The following CENPP variants were observed in gnomAD, a reference collection of about 807,000 sequenced individuals.
CENPP encodes centromere protein P.
A neutral mutation model predicts 35.6 loss-of-function variants in CENPP; 24 were observed. The observed-to-expected ratio is 0.67, with a 90% confidence interval of 0.49 to 0.95. The LOEUF is 0.95. Ranked by LOEUF, CENPP falls within the 40% of genes least tolerant of loss-of-function variation. CENPP has a pLI of 0.00. For synonymous variants in CENPP, 120 were observed against 125.5 expected (o/e 0.96, Z 0.29); for missense variants, 332 against 345.3 (o/e 0.96, Z 0.31).
intron 4 of CENPP, among the ~76,000 whole-genome samples, chr9:92,353,987 C>T (rs1841529005): frequency 6.6e-6 from 1 of 152,190 alleles, no homozygotes; most frequent in Admixed American, 6.5e-5. Flanking sequence ...TTCTACTGTT[C>T]TGTCAATCCA....
chr9:92,442,398 CAAAAAAAAAAAAAAAAA>C (rs71362387), intron 5 of CENPP, among the ~76,000 whole-genome samples: 1 of 74,484 alleles, frequency 1.3e-5, no homozygotes, highest in Non-Finnish European at 2.8e-5. Context: ...AACTCTGTCT[CAAAAAAAAAAAAAAAAA>C]AGAAAAAACA....
intron 5 of CENPP, among the ~76,000 whole-genome samples, chr9:92,605,327 C>T (rs1588312911): frequency 6.6e-6 from 1 of 151,874 alleles, no homozygotes; most frequent in Admixed American, 6.6e-5. Flanking sequence ...AGTAAATTTT[C>T]GTATATGGTG....
intron 5 of CENPP, among the ~76,000 whole-genome samples, chr9:92,485,989 T>G (rs1044382787): frequency 1.3e-5 from 2 of 152,228 alleles, no homozygotes; most frequent in African/African-American, 4.8e-5. Flanking sequence ...CTAAATGAAT[T>G]GGAATAGATT....
At chr9:92,554,849 G>T (rs564882882) in intron 5 of CENPP, among the ~76,000 whole-genome samples, 5 of 151,688 alleles carry the variant, frequency 3.3e-5, no homozygotes, top group African/African-American at 9.7e-5. Context: ...TGTTGGCCAG[G>T]CTGGTCTCGA....
chr9:92,508,424 GAGT>G (rs1847138807), intron 5 of CENPP, among the ~76,000 whole-genome samples: 1 of 152,232 alleles, frequency 6.6e-6, no homozygotes, highest in African/African-American at 2.4e-5. Context: ...GGGAGGAGAA[GAGT>G]ACTCTGGAAG....
At chr9:92,427,226 C>T (rs899319666) in intron 5 of CENPP, among the ~76,000 whole-genome samples, 4 of 152,074 alleles carry the variant, frequency 2.6e-5, no homozygotes, top group African/African-American at 4.8e-5. Context: ...GCAATGGCGC[C>T]GTCTTGGCTC....
chr9:92,452,381 G>A (rs1404776080), intron 5 of CENPP, among the ~76,000 whole-genome samples: 1 of 152,122 alleles, frequency 6.6e-6, no homozygotes, highest in Non-Finnish European at 1.5e-5. Flanking sequence ...CTTTGGTTGT[G>A]TTTATATGCT....
rs570230349 is a variant in CENPP at position 92,420,698 on chromosome 9, T to A, written c.564+40839T>A. Among the ~76,000 whole-genome samples, 919 of 152,314 alleles carry A rather than the reference T, an allele frequency of 6.0e-3. 3 individuals carry two copies. Among genetic ancestry groups the A allele is most frequent in the Non-Finnish European group, 8.9e-3 (606 of 68,024 alleles). Reference sequence around the variant, plus strand: ...AAGATATCATTTATTTCTATTTTCTTATATGTATCCCTACCTACAAGAAAA... The same window carrying A: ...AAGATATCATTTATTTCTATTTTCTAATATGTATCCCTACCTACAAGAAAA... On this transcript the variant is annotated intron_variant, in intron 5 of 7. Transcript: ENST00000375587.
intron 5 of CENPP, among the ~76,000 whole-genome samples, chr9:92,437,845 A>T (rs955367356): frequency 2.6e-5 from 4 of 151,678 alleles, no homozygotes; most frequent in Non-Finnish European, 4.4e-5. Context: ...CTGCAACTTT[A>T]ACCTTCCAGG....
At chr9:92,459,810 G>C in intron 5 of CENPP, 2 of 1,599,380 alleles carry the variant, frequency 1.3e-6, no homozygotes, top group Non-Finnish European at 1.7e-6. Flanking sequence ...TACACAGATG[G>C]TTAGGTGTGA....
intron 5 of CENPP, among the ~76,000 whole-genome samples, chr9:92,437,416 G>GTT (rs778397559): frequency 5.8e-5 from 8 of 137,378 alleles, no homozygotes; most frequent in South Asian, 2.3e-4. Flanking sequence ...TTTTTGTTTT[G>GTT]TTTTTTTTTT....
intron 4 of CENPP, among the ~76,000 whole-genome samples, chr9:92,374,002 T>G (rs1842067374): frequency 6.6e-6 from 1 of 151,984 alleles, no homozygotes; most frequent in South Asian, 2.1e-4. Context: ...CACTTCTTTT[T>G]TGGCATTTGC....
At chr9:92,586,829 G>C (rs749712142) in intron 5 of CENPP, among the ~76,000 whole-genome samples, 3 of 152,194 alleles carry the variant, frequency 2.0e-5, no homozygotes, top group Non-Finnish European at 4.4e-5. Context: ...GTTTGGAAAA[G>C]TTGTTAAGCA....
At chr9:92,474,871 G>C in intron 5 of CENPP, 2 of 1,613,622 alleles carry the variant, frequency 1.2e-6, no homozygotes, top group Non-Finnish European at 1.7e-6. Context: ...ACAAAGCCAG[G>C]AATAATAGGA....
intron 5 of CENPP, among the ~76,000 whole-genome samples, chr9:92,497,624 C>CA (rs1315903167): frequency 0.038 from 3,093 of 81,470 alleles, 69 homozygotes; most frequent in African/African-American, 0.098. Context: ...AACTCTGTCT[C>CA]AAAAAAAAAA....
intron 5 of CENPP, among the ~76,000 whole-genome samples, chr9:92,425,396 T>A (rs1843938119): frequency 6.6e-6 from 1 of 152,220 alleles, no homozygotes; most frequent in Admixed American, 6.5e-5. Context: ...TTTTGTAGAT[T>A]TAGAAAATTT....
At chr9:92,461,246 A>T (rs1845097502) in intron 5 of CENPP, among the ~76,000 whole-genome samples, 2 of 152,114 alleles carry the variant, frequency 1.3e-5, no homozygotes, top group Non-Finnish European at 2.9e-5. Context: ...TGATAAGGTC[A>T]TCTTGTTTTT....
intron 5 of CENPP, among the ~76,000 whole-genome samples, chr9:92,440,193 G>T (rs1290795731): frequency 6.6e-6 from 1 of 151,978 alleles, no homozygotes; most frequent in African/African-American, 2.4e-5. Context: ...ACCTGTCATG[G>T]TATCCCAGCA....
At chr9:92,453,829 C>T (rs1361616950) in intron 5 of CENPP, among the ~76,000 whole-genome samples, 3 of 151,964 alleles carry the variant, frequency 2.0e-5, no homozygotes, top group Admixed American at 6.6e-5. Flanking sequence ...TTAAAAAAAG[C>T]TTTTGGAATG....
Sources: allele counts gnomAD v4.1 joint callset (sites outside exome capture counted in the v4.1 genomes callset), GRCh38; gene constraint gnomAD v4.1.1; transcripts MANE v1.5; gene names NCBI Gene and HGNC (gene_info 2026-07-23, HGNC 2026-07-21).